Variants in CAPZA1 observed in about 807,000 individuals in gnomAD.
CAPZA1 encodes F-actin-capping protein subunit alpha-1.
In CAPZA1, 10 loss-of-function variants were observed where a neutral mutation model predicts 40.8. The observed-to-expected ratio is 0.25, with a 90% confidence interval of 0.15 to 0.42. The LOEUF is 0.42. Ranked by LOEUF, CAPZA1 falls within the 10% of genes least tolerant of loss-of-function variation. The pLI, the probability that CAPZA1 is intolerant of heterozygous loss-of-function variation, is 1.00. For missense variants in CAPZA1, 277 were observed against 353.8 expected (o/e 0.78, Z 1.74); for synonymous variants, 98 against 115.0 (o/e 0.85, Z 0.95).
At chr1:112,639,189 A>G (rs973654584) in intron 1 of CAPZA1, among the ~76,000 whole-genome samples, 3 of 152,082 alleles carry the variant, frequency 2.0e-5, no homozygotes, top group African/African-American at 7.2e-5. Context: ...TTAGGATTCC[A>G]TGTTGGCATC....
At chr1:112,639,041 ACTT>A (rs1385120148) in intron 1 of CAPZA1, among the ~76,000 whole-genome samples, 2 of 149,516 alleles carry the variant, frequency 1.3e-5, no homozygotes, top group Non-Finnish European at 3.0e-5. Context: ...TATGTCTACT[ACTT>A]AAAGGTATTT....
intron 1 of CAPZA1, among the ~76,000 whole-genome samples, chr1:112,624,680 GC>G (rs886876014): frequency 2.0e-5 from 3 of 150,978 alleles, no homozygotes; most frequent in Non-Finnish European, 4.4e-5. Flanking sequence ...GTTAGATATG[GC>G]CTTTCCCTTT....
intron 1 of CAPZA1, among the ~76,000 whole-genome samples, chr1:112,629,136 T>TA (rs1173883188): frequency 6.6e-6 from 1 of 152,224 alleles, no homozygotes; most frequent in Non-Finnish European, 1.5e-5. Context: ...TCTGGGATGT[T>TA]ACCTCTTTGC....
rs1570705041 is a variant in CAPZA1 at position 112,635,194 on chromosome 1, A to G, written c.40-12016A>G. 3.3e-5 allele frequency among the ~76,000 whole-genome samples: 5 copies of G among 152,296 alleles called. 1 individual carries two copies. The South Asian group carries it at 1.0e-3, about 32-fold the overall frequency. On this transcript the variant is annotated intron_variant, in intron 1 of 9. Transcript: ENST00000263168. ...GAACACTTTTTACGGTTGGGTTGGA[A>G]GAACCCAACCTTAAAAAATGGGAAG...
intron 4 of CAPZA1, 30 bp from the exon 5 acceptor site, chr1:112,654,435 T>C: frequency 6.9e-7 from 1 of 1,445,488 alleles, no homozygotes. Flanking sequence ...TTTTTTACAG[T>C]TACTCATATG....
intron 3 of CAPZA1, 21 bp downstream of exon 3, chr1:112,649,490 A>G (rs1205503841): frequency 1.9e-6 from 3 of 1,578,986 alleles, no homozygotes; most frequent in South Asian, 1.1e-5. Flanking sequence ...TTCCAAATCC[A>G]CTTAGAATGT....
At chr1:112,649,861 G>C (rs1434740389) in intron 3 of CAPZA1, 1 of 185,766 alleles carries the variant, frequency 5.4e-6, no homozygotes, top group Non-Finnish European at 1.1e-5. Flanking sequence ...TGCCTTAATA[G>C]TTAAAATTAA....
At chr1:112,642,278 A>G (rs1328940279) in intron 1 of CAPZA1, among the ~76,000 whole-genome samples, 1 of 133,762 alleles carries the variant, frequency 7.5e-6, no homozygotes, top group Non-Finnish European at 1.5e-5. Flanking sequence ...CAGTGGCGCA[A>G]TCTTGACTCA....
At chr1:112,655,972 T>C (rs1671492328) in intron 5 of CAPZA1, among the ~76,000 whole-genome samples, 1 of 152,216 alleles carries the variant, frequency 6.6e-6, no homozygotes, top group Non-Finnish European at 1.5e-5. Context: ...GAATATTTTT[T>C]ATTTTTAAAT....
At chr1:112,640,167 C>G (rs1570709123) in intron 1 of CAPZA1, among the ~76,000 whole-genome samples, 2 of 120,054 alleles carry the variant, frequency 1.7e-5, no homozygotes, top group South Asian at 2.9e-4. Flanking sequence ...CCCGGCCAGC[C>G]GCCCAGTCCG....
In CAPZA1 at chr1:112,670,381, T is replaced by TTTTA. The variant is rs1671806926; in HGVS notation, c.*249_*250insTTTA. On this transcript the variant is annotated 3_prime_UTR_variant, in exon 10 of 10. Coordinates refer to ENST00000263168, the MANE Select transcript of CAPZA1 (RefSeq NM_006135.3). ...TTTTTTCTTTTTTTTTTTTTTTTTTTGGTTAATTCTGCCACATTTAATGTT... is the reference window on the plus strand; with the variant it reads ...TTTTTTCTTTTTTTTTTTTTTTTTTTTTTAGGTTAATTCTGCCACATTTAATGTT... The TTTTA allele has an allele frequency of 1.3e-5, 5 of 399,330 alleles. No individual in the cohort carries two copies. The South Asian group carries it at 1.6e-4, about 13-fold the overall frequency. 24.7% of individuals were successfully genotyped at this position (399,330 alleles called of 1,614,324 possible).
At chr1:112,649,394 C>T (rs1238513698) in intron 2 of CAPZA1, 24 bp from the exon 3 acceptor site, 7 of 1,591,504 alleles carry the variant, frequency 4.4e-6, no homozygotes, top group Non-Finnish European at 6.0e-6. Context: ...CTCCACTGAA[C>T]ATTGTAACAT....
intron 4 of CAPZA1, 35 bp from the exon 5 acceptor site, chr1:112,654,430 T>C (rs542218970): frequency 7.1e-7 from 1 of 1,408,026 alleles, no homozygotes; most frequent in South Asian, 1.3e-5. Flanking sequence ...TTGTCTTTTT[T>C]ACAGTTACTC....
At chr1:112,635,639 G>A (rs1223905560) in intron 1 of CAPZA1, among the ~76,000 whole-genome samples, 5 of 149,336 alleles carry the variant, frequency 3.3e-5, no homozygotes, top group Non-Finnish European at 7.4e-5. Flanking sequence ...GTTTCCCCCT[G>A]TTAGCCAGCT....
chr1:112,627,631 T>G, intron 1 of CAPZA1, among the ~76,000 whole-genome samples: 1 of 84,678 alleles, frequency 1.2e-5, no homozygotes, highest in Non-Finnish European at 2.0e-5. Flanking sequence ...TGCGAGACTC[T>G]GTCTCAAAAA....
intron 1 of CAPZA1, chr1:112,620,936 T>A (rs1286899734): frequency 1.3e-5 from 2 of 152,238 alleles, no homozygotes; most frequent in East Asian, 3.8e-4. Flanking sequence ...TGTCTCCCAC[T>A]GTGGCTATTA....
chr1:112,662,148 C>T (rs1373218050), intron 7 of CAPZA1, among the ~76,000 whole-genome samples: 1 of 152,142 alleles, frequency 6.6e-6, no homozygotes, highest in African/African-American at 2.4e-5. Context: ...TCAACTCTGT[C>T]ACCTAGGCTG....
At position 112,659,120 on chromosome 1, in the gene CAPZA1, C is replaced by T. The variant is rs773679431; in HGVS notation, c.506+19C>T. 1.3e-6 allele frequency: 2 copies of T among 1,521,722 alleles called. No individual in the cohort carries two copies. Among genetic ancestry groups the T allele is most frequent in the East Asian group, 4.5e-5 (2 of 44,394 alleles). The allele number at this position is 1,521,722 out of a possible 1,614,324, so 94.3% of individuals were successfully genotyped here. ...ACTTCTGGTAAGAAGTAGATATTCT[C>T]TTCTATTTACATCTGAAAGAAACCA... On this transcript the variant is annotated intron_variant, in intron 6 of 9. Coordinates refer to ENST00000263168, the MANE Select transcript of CAPZA1 (RefSeq NM_006135.3).
chr1:112,658,259 A>G (rs1671537121), intron 5 of CAPZA1, among the ~76,000 whole-genome samples: 1 of 152,194 alleles, frequency 6.6e-6, no homozygotes, highest in Admixed American at 6.5e-5. Flanking sequence ...GTTTCTAACT[A>G]CTAACTAGAC....
Sources: allele counts gnomAD v4.1 joint callset (sites outside exome capture counted in the v4.1 genomes callset), GRCh38; gene constraint gnomAD v4.1.1; transcripts MANE v1.5; gene names NCBI Gene and HGNC (gene_info 2026-07-23, HGNC 2026-07-21).